Variants in TTC23L observed in about 807,000 individuals in gnomAD.
The protein encoded by TTC23L is tetratricopeptide repeat domain 23 like.
In TTC23L, 42 loss-of-function variants were observed where a neutral mutation model predicts 48.1. The observed-to-expected ratio is 0.87, with a 90% CI of 0.68 to 1.13. The LOEUF is 1.13. Among genes scored for constraint, TTC23L ranks in the 50% most tolerant of loss-of-function variants. TTC23L has a pLI of 0.00. For missense variants in TTC23L, 391 were observed against 421.0 expected, an observed-to-expected ratio of 0.93 and a Z score of 0.62; for synonymous variants, 159 against 157.2, an observed-to-expected ratio of 1.01 and a Z score of -0.09.
chr5:34,862,573 C>G (rs1372716063), intron 4 of TTC23L, among the ~76,000 whole-genome samples: 1 of 152,154 alleles, frequency 6.6e-6, no homozygotes, highest in Non-Finnish European at 1.5e-5. Context: ...CCATTCCTGT[C>G]TCTGTCTTGA....
At chr5:34,916,646 G>C in the TTC23L span, 1 of 152,208 alleles carries the variant, frequency 6.6e-6, no homozygotes, top group East Asian at 1.9e-4. Flanking sequence ...TCTTAAGCTA[G>C]ACAGAATACT....
intron 9 of TTC23L, among the ~76,000 whole-genome samples, chr5:34,884,248 AG>A (rs1197927109): frequency 6.6e-6 from 1 of 152,226 alleles, no homozygotes; most frequent in Non-Finnish European, 1.5e-5. Flanking sequence ...AAGGAATAGA[AG>A]GAAATTACCT....
At chr5:34,920,673 C>G in the TTC23L span, 2 of 152,054 alleles carry the variant, frequency 1.3e-5, no homozygotes, top group African/African-American at 2.4e-5. Context: ...AAAACCTGTT[C>G]AAAGGGATGG....
chr5:34,904,405 C>A (rs1763583506), downstream of TTC23L, among the ~76,000 whole-genome samples: 1 of 151,330 alleles, frequency 6.6e-6, no homozygotes, highest in Non-Finnish European at 1.5e-5. Flanking sequence ...ACCATCCTGG[C>A]CAACATGGTG....
At chr5:34,918,439 C>T in the TTC23L span, 2 of 1,609,528 alleles carry the variant, frequency 1.2e-6, no homozygotes. Context: ...ACATTTAATG[C>T]AGGACTTGAG....
chr5:34,886,647 C>G (rs190141183), intron 9 of TTC23L, among the ~76,000 whole-genome samples: 1 of 152,226 alleles, frequency 6.6e-6, no homozygotes, highest in Non-Finnish European at 1.5e-5. Flanking sequence ...TATGTATTTT[C>G]CCTTCCCTTC....
At chr5:34,858,390 T>G (rs898685117) in intron 4 of TTC23L, among the ~76,000 whole-genome samples, 3 of 152,232 alleles carry the variant, frequency 2.0e-5, no homozygotes, top group Non-Finnish European at 4.4e-5. Flanking sequence ...AGTACTTTTG[T>G]CATTATGAAT....
chr5:34,896,151 G>C (rs1447000948), intron 9 of TTC23L, among the ~76,000 whole-genome samples: 1 of 152,140 alleles, frequency 6.6e-6, no homozygotes, highest in African/African-American at 2.4e-5. Context: ...GGGAACAAGG[G>C]CTGCTAAGCC....
intron 4 of TTC23L, among the ~76,000 whole-genome samples, chr5:34,850,567 G>T (rs1362887256): frequency 6.6e-6 from 1 of 152,190 alleles, no homozygotes; most frequent in Admixed American, 6.5e-5. Context: ...TCCTTGGAGG[G>T]AGATACTATT....
At chr5:34,890,279 TAC>T (rs1762785163) in intron 9 of TTC23L, among the ~76,000 whole-genome samples, 8 of 151,302 alleles carry the variant, frequency 5.3e-5, no homozygotes, top group Admixed American at 5.3e-4. Context: ...GCGCCATCGC[TAC>T]AAAAAATATA....
Position 34,851,172 on chromosome 5 carries a change from C to T in TTC23L, c.379+864C>T, listed in dbSNP as rs375570194. 2.0e-5 allele frequency among the ~76,000 whole-genome samples: 3 copies of T among 152,264 alleles called. No individual in the cohort carries two copies. In the East Asian group the frequency reaches 5.8e-4, roughly 29 times the overall value. ...GGCATATTACTGCTTATGAACTGAG[C>T]CACTGGCCTAGGGGTTGTTCAAGTA... On this transcript the variant is annotated intron_variant, in intron 4 of 10. Coordinates refer to ENST00000505624, the Ensembl canonical transcript of TTC23L.
chr5:34,848,670 G>A (rs934544910), intron 3 of TTC23L, among the ~76,000 whole-genome samples: 2 of 152,148 alleles, frequency 1.3e-5, no homozygotes, highest in Non-Finnish European at 2.9e-5. Flanking sequence ...ACATGGAAGA[G>A]TGTCCCAAGC....
exon 8 of TTC23L, chr5:34,868,928 G>A (rs374762144): frequency 3.7e-5 from 59 of 1,609,520 alleles, no homozygotes; most frequent in Non-Finnish European, 4.2e-5. Flanking sequence ...GTGTTTCTTT[G>A]TTCACTGAAG....
At chr5:34,923,349 G>C in the TTC23L span, 2 of 770,306 alleles carry the variant, frequency 2.6e-6, no homozygotes, top group Non-Finnish European at 4.3e-6. Context: ...GCACAATCTT[G>C]GCTCACTGCA....
In TTC23L at chr5:34,892,834, T is replaced by G. The variant is rs368551576; in HGVS notation, c.1078-3936T>G. Among the ~76,000 whole-genome samples the G allele has an allele frequency of 3.9e-5, 6 of 152,330 alleles. 1 individual carries two copies. The highest frequency in any genetic ancestry group is 1.4e-4 in the African/African-American group (6 of 41,588). Reference sequence around the variant, plus strand: ...AGTTTAAGGTACCTAAGGAGGGACGTGCTGGACATGAGTTTGGAAAGACAG... The same window carrying G: ...AGTTTAAGGTACCTAAGGAGGGACGGGCTGGACATGAGTTTGGAAAGACAG... On this transcript the variant is annotated intron_variant, in intron 9 of 10. Transcript: ENST00000505624.
the TTC23L span, chr5:34,909,038 G>T: frequency 8.0e-7 from 1 of 1,243,948 alleles, no homozygotes. Flanking sequence ...GCAAATCTAA[G>T]AATAAAATCA....
At chr5:34,923,008 A>G in the TTC23L span, 1 of 1,530,950 alleles carries the variant, frequency 6.5e-7, no homozygotes, top group Non-Finnish European at 9.0e-7. Context: ...TAGGCTTTTG[A>G]TGAATTACCA....
intron 9 of TTC23L, among the ~76,000 whole-genome samples, chr5:34,884,324 A>C (rs1229836732): frequency 1.3e-5 from 2 of 152,216 alleles, no homozygotes; most frequent in African/African-American, 4.8e-5. Context: ...ATGGTGAAAA[A>C]CTGAAAGCTT....
exon 4 of TTC23L, chr5:34,850,199 CAAG>C (rs1168697166): frequency 3.1e-6 from 5 of 1,613,714 alleles, no homozygotes; most frequent in Non-Finnish European, 4.2e-6. Context: ...CTCAAGCAAA[CAAG>C]GAGCTGATTC....
Sources: allele counts gnomAD v4.1 joint callset (sites outside exome capture counted in the v4.1 genomes callset), GRCh38; gene constraint gnomAD v4.1.1; transcripts MANE v1.5; gene names NCBI Gene and HGNC (gene_info 2026-07-23, HGNC 2026-07-21).